USP10: variants seen among roughly 807,000 people sequenced by gnomAD.
USP10 encodes the protein ubiquitin specific peptidase 10.
A neutral mutation model predicts 84.5 loss-of-function variants in USP10; 22 were observed. The ratio of observed to expected loss-of-function variants is 0.26; its 90% confidence interval spans 0.19 to 0.37. USP10 has a LOEUF of 0.37. Among genes scored for constraint, USP10 ranks in the 10% least tolerant of loss-of-function variants. The probability of loss-of-function intolerance (pLI) is 1.00; values close to 1 mark genes in which losing one functional copy is unlikely to be tolerated. For missense variants in USP10, 1,019 were observed against 998.9 expected (o/e 1.02, Z -0.27); for synonymous variants, 454 against 387.6 (o/e 1.17, Z -2.01).
At chr16:84,727,315 C>T (rs1908621824) in intron 1 of USP10, among the ~76,000 whole-genome samples, 1 of 152,132 alleles carries the variant, frequency 6.6e-6, no homozygotes, top group African/African-American at 2.4e-5. Flanking sequence ...TTATTTTACC[C>T]AAACACCTAC....
intron 1 of USP10, chr16:84,732,571 C>T (rs757103337): frequency 7.9e-5 from 27 of 340,690 alleles, no homozygotes; most frequent in South Asian, 4.0e-4. Context: ...CTCAGCCTCC[C>T]GAGCAGCCGG....
chr16:84,719,097 AGTTGTT>A (rs753483295), intron 1 of USP10, among the ~76,000 whole-genome samples: 2 of 151,868 alleles, frequency 1.3e-5, no homozygotes, highest in South Asian at 2.1e-4. Flanking sequence ...CGGCCAGTTT[AGTTGTT>A]GTTGTTGTTG....
intron 2 of USP10, among the ~76,000 whole-genome samples, chr16:84,737,080 G>T (rs903361728): frequency 6.6e-5 from 10 of 152,300 alleles, no homozygotes; most frequent in African/African-American, 2.4e-4. Context: ...GAGCCACCAC[G>T]CCCGGCCTAA....
intron 1 of USP10, among the ~76,000 whole-genome samples, chr16:84,718,993 T>C (rs1324579247): frequency 6.6e-6 from 1 of 151,948 alleles, no homozygotes; most frequent in African/African-American, 2.4e-5. Flanking sequence ...GGTTTCACTA[T>C]GTAGGTCAAG....
rs114574349 is a variant in USP10, at chr16:84,758,335, T to C, written c.1193-381T>C. ...CTTTCTATCTAGTGTCTGAGGCGCC[T>C]TGCTGCTGATGAGACACACCTGGCT... is the stretch of plus-strand genomic sequence containing the variant. On this transcript the variant is annotated intron_variant, in intron 4 of 13. Transcript: ENST00000219473. 8.0e-3 allele frequency among the ~76,000 whole-genome samples: 1,224 copies of C among 152,270 alleles called. 9 individuals carry two copies. Among genetic ancestry groups the C allele is most frequent in the African/African-American group, 0.028 (1,166 of 41,538 alleles).
intron 1 of USP10, among the ~76,000 whole-genome samples, chr16:84,722,796 T>C (rs1046003857): frequency 3.3e-5 from 5 of 152,162 alleles, no homozygotes; most frequent in African/African-American, 9.7e-5. Flanking sequence ...CCTCAAGTGA[T>C]TTGTCCGCCT....
At chr16:84,759,566 C>T in intron 6 of USP10, 94 bp downstream of exon 6, 1 of 1,131,330 alleles carries the variant, frequency 8.8e-7, no homozygotes, top group Non-Finnish European at 1.3e-6. Flanking sequence ...TGATTTCCTG[C>T]AAATGAGTCC....
intron 6 of USP10, 41 bp downstream of exon 6, chr16:84,759,513 T>C: frequency 6.5e-7 from 1 of 1,543,418 alleles, no homozygotes; most frequent in Non-Finnish European, 9.0e-7. Flanking sequence ...GGTGGGGTTT[T>C]TCCCGTCTGA....
In USP10 at chr16:84,764,119, C is replaced by T. The variant is rs148921831; in HGVS notation, c.1688C>T (p.Ser563Leu). Residue 563 changes from serine to leucine, a missense_variant, in exon 10 of 14, where the codon TCG (serine) becomes TTG (leucine). This residue lies in a region of USP10 where 787 missense variants were observed against 708.8 expected (regional missense o/e 1.11). Coordinates refer to ENST00000219473, the MANE Select transcript of USP10 (RefSeq NM_005153.3). ...ATTTCCAACGGCCCCAAAAACCACT[C>T]GGTCAATGAAGAAGAGCAGGAAGAA... is the stretch of plus-strand genomic sequence containing the variant. The part of the protein sequence containing the change: ...LTISNGPKNH[S>L]VNEEEQEEQG... The T allele has an allele frequency of 3.0e-4, 480 of 1,613,680 alleles. No homozygotes were observed. The highest frequency in any genetic ancestry group is 1.0e-3 in the Admixed American group (62 of 59,980).
chr16:84,742,173 T>G (rs1290698778), intron 3 of USP10, among the ~76,000 whole-genome samples: 1 of 152,208 alleles, frequency 6.6e-6, no homozygotes, highest in Admixed American at 6.5e-5. Flanking sequence ...AATAATCACA[T>G]CAAGGTGAAT....
At position 84,776,240 on chromosome 16, in the gene USP10, C is replaced by G. The variant is rs549012779; in HGVS notation, c.2209+1015C>G. On this transcript the variant is annotated intron_variant, in intron 13 of 13. Coordinates refer to ENST00000219473, the MANE Select transcript of USP10 (RefSeq NM_005153.3). ...AAGCTCCTGTCCACCTCAGCTCACG[C>G]CCGATGTTTTAGGAAGTTTGGCGAG... 8.5e-5 allele frequency among the ~76,000 whole-genome samples: 13 copies of G among 152,244 alleles called. No individual in the cohort carries two copies. The East Asian group carries it at 1.9e-3, about 23-fold the overall frequency.
intron 4 of USP10, among the ~76,000 whole-genome samples, chr16:84,748,770 T>G (rs1461312313): frequency 6.6e-6 from 1 of 152,212 alleles, no homozygotes; most frequent in African/African-American, 2.4e-5. Flanking sequence ...ATAAATAGTT[T>G]GTTATGTTCT....
chr16:84,757,725 C>T (rs1912749784), intron 4 of USP10, among the ~76,000 whole-genome samples: 1 of 152,112 alleles, frequency 6.6e-6, no homozygotes, highest in East Asian at 1.9e-4. Context: ...GTAAAGGAGA[C>T]AGTGTGGATT....
chr16:84,737,877 A>G (rs772959161), intron 2 of USP10, among the ~76,000 whole-genome samples: 1 of 152,124 alleles, frequency 6.6e-6, no homozygotes, highest in Non-Finnish European at 1.5e-5. Flanking sequence ...CAGCCTTTCC[A>G]GCCTCTCCAC....
At position 84,740,503 on chromosome 16, in the gene USP10, A is replaced by G. The variant is rs151212700; in HGVS notation, c.151+134A>G. 6,906 of 696,814 alleles carry G rather than the reference A, an allele frequency of 9.9e-3. 61 individuals carry two copies. Among genetic ancestry groups the G allele is most frequent in the Middle Eastern group, 0.019 (72 of 3,844 alleles). The allele number at this position is 696,814 out of a possible 1,614,324, so 43.2% of individuals were successfully genotyped here. A position where few individuals can be genotyped will look rare whatever the true frequency, so the allele number is the denominator to read the frequency against. On this transcript the variant is annotated intron_variant, in intron 3 of 13. Coordinates refer to ENST00000219473, the MANE Select transcript of USP10 (RefSeq NM_005153.3). ...CTTGAAGTTTTTGCTGTAAACTGTA[A>G]TGTATTTAATTGCTGAATCACTTTG...
chr16:84,735,947 G>A (rs1273328123), intron 2 of USP10, among the ~76,000 whole-genome samples: 1 of 152,174 alleles, frequency 6.6e-6, no homozygotes, highest in Non-Finnish European at 1.5e-5. Flanking sequence ...CACTTTCATG[G>A]GGCGGCATGT....
At chr16:84,763,969 C>T (rs1007365323) in intron 9 of USP10, 117 bp from the exon 10 acceptor site, 41 of 1,324,568 alleles carry the variant, frequency 3.1e-5, no homozygotes, top group Non-Finnish European at 4.2e-5. Flanking sequence ...GCCGTGGCTC[C>T]TAATGTAGAC....
chr16:84,754,130 T>C (rs1020458684), intron 4 of USP10, among the ~76,000 whole-genome samples: 2 of 152,138 alleles, frequency 1.3e-5, no homozygotes, highest in African/African-American at 4.8e-5. Flanking sequence ...CACACAGCAC[T>C]AATATCAGGT....
intron 4 of USP10, among the ~76,000 whole-genome samples, chr16:84,757,396 G>GTGTGTGT (rs11373011): frequency 4.0e-3 from 510 of 127,354 alleles, no homozygotes; most frequent in South Asian, 6.1e-3. Flanking sequence ...GAATGAGAGG[G>GTGTGTGT]GTGGGGGTGT....
Sources: allele counts gnomAD v4.1 joint callset (sites outside exome capture counted in the v4.1 genomes callset), GRCh38; gene constraint gnomAD v4.1.1; regional missense constraint gnomAD v4.1.1; transcripts MANE v1.5; gene names NCBI Gene and HGNC (gene_info 2026-07-23, HGNC 2026-07-21).